The following C11orf16 variants were observed in gnomAD, a reference collection of about 807,000 sequenced individuals.
The protein encoded by C11orf16 is chromosome 11 open reading frame 16, also known as uncharacterized protein C11orf16.
Under a neutral mutation model 45.1 loss-of-function variants are expected in C11orf16, and 38 were observed. The ratio of observed to expected loss-of-function variants is 0.84; its 90% CI spans 0.65 to 1.10. C11orf16 has a LOEUF of 1.10. Among genes scored for constraint, C11orf16 ranks in the 50% least tolerant of loss-of-function variants. The pLI is 0.00. For synonymous variants in C11orf16, 221 were observed against 222.0 expected, an observed-to-expected ratio of 1.00 and a Z score of 0.04; for missense variants, 583 against 569.5, an observed-to-expected ratio of 1.02 and a Z score of -0.24.
chr11:8,920,640 G>A (rs986769213), intron 6 of C11orf16, among the ~76,000 whole-genome samples, 190 bp from the exon 7 acceptor site: 6 of 152,176 alleles, frequency 3.9e-5, no homozygotes, highest in African/African-American at 9.7e-5. Context: ...GGTCAACACA[G>A]TGAGACCCTA....
intron 4 of C11orf16, 112 bp downstream of exon 4, chr11:8,926,828 T>A: frequency 1.3e-6 from 1 of 781,298 alleles, no homozygotes; most frequent in Non-Finnish European, 2.0e-6. Context: ...AAAATTCTCT[T>A]CTTAATGCCT....
chr11:8,926,402 C>T (rs1161608076), intron 4 of C11orf16, among the ~76,000 whole-genome samples: 1 of 151,910 alleles, frequency 6.6e-6, no homozygotes, highest in Non-Finnish European at 1.5e-5. Context: ...CTGCGTGGCT[C>T]CTCACATGCA....
rs201619527 is a variant in C11orf16 at position 8,921,362 on chromosome 11, C to T, written c.1358G>A (p.Arg453Gln). 9.3e-6 allele frequency: 15 copies of T among 1,614,078 alleles called. No homozygotes were observed. The African/African-American group carries it at 9.3e-5, about 10-fold the overall frequency. The stretch of plus-strand genomic sequence containing the variant: ...CTGACATATTGCAAGGCTCTGACTC[C>T]GCTTTCTGTGTTCAGCTTCCCCTGG... ...TPPGEAEHRK[R>Q]SQSLAICQWN... The change falls in exon 6 of 7, where the codon CGG becomes CAG. Residue 453 changes from arginine (R) to glutamine (Q), a missense_variant. By Grantham distance (43) the Arg-to-Gln change is conservative (BLOSUM62 1). Coordinates refer to ENST00000326053, the MANE Select transcript of C11orf16 (RefSeq NM_020643.3).
At chr11:8,925,415 G>A (rs184170247) in intron 5 of C11orf16, 48 bp downstream of exon 5, 34 of 1,554,896 alleles carry the variant, frequency 2.2e-5, no homozygotes, top group South Asian at 1.3e-4. Context: ...GAAGGGAGGC[G>A]GGGCCCCAGC....
chr11:8,920,270 T>C lies in C11orf16; in HGVS notation c.*203A>G. ...GCCCCAGGGCAGGATCCCACATTCC[T>C]ATAGCCCTCACAACAGGTGCCTTCC... On this transcript the variant is annotated 3_prime_UTR_variant, in exon 7 of 7. Coordinates refer to ENST00000326053, the MANE Select transcript of C11orf16 (RefSeq NM_020643.3). 1 of 463,712 alleles carries C rather than the reference T, an allele frequency of 2.2e-6. No individual in the cohort carries two copies. Among genetic ancestry groups the C allele is most frequent in the Admixed American group, 4.2e-5 (1 of 23,706 alleles). 28.7% of individuals were successfully genotyped at this position (463,712 alleles called of 1,614,324 possible).
At position 8,927,157 on chromosome 11, in the gene C11orf16, G is replaced by A; in HGVS notation, c.342C>T (p.Val114=). The A allele has an allele frequency of 6.2e-7, 1 of 1,613,858 alleles. No homozygotes were observed. Among genetic ancestry groups the A allele is most frequent in the Non-Finnish European group, 8.5e-7 (1 of 1,179,888 alleles). Residue 114 remains valine, a synonymous_variant, in exon 4 of 7, where the codon GTC becomes GTT. Transcript: ENST00000326053. ...GAGGAGCCTCGAATTCCACAAGCAG[G>A]ACCCCCTGTCTCTCCAGCTGTGGGA... ...KATPELERQG[V]LLVEFEAPLV...
At chr11:8,927,636 T>A (rs1158611286) in intron 3 of C11orf16, 1 of 456,724 alleles carries the variant, frequency 2.2e-6, no homozygotes, top group South Asian at 1.5e-5. Flanking sequence ...ATGAGGCTCA[T>A]GTAGGCAAGG....
chr11:8,926,208 A>G, intron 4 of C11orf16, 101 bp from the exon 5 acceptor site: 1 of 855,458 alleles, frequency 1.2e-6, no homozygotes, highest in Non-Finnish European at 1.6e-6. Flanking sequence ...TTTTTTTGAG[A>G]CAGGGTCTGG....
Position 8,925,684 on chromosome 11 carries a change from A to G in C11orf16, c.983T>C (p.Met328Thr), listed in dbSNP as rs760367890. Residue 328 changes from methionine to threonine, a missense_variant, in exon 5 of 7, where the codon ATG (methionine) becomes ACG (threonine). By Grantham distance (81) the Met-to-Thr change is moderately conservative (BLOSUM62 -1). Transcript: ENST00000326053. ...GGAAGAAACAGCCAGGGGAGCGTGC[A>G]TTGCTACTTTCTCCTCTTTAGGACC... ...LEGPKEEKVA[M>T]HAPLAVSSSS... is the part of the protein sequence containing the mutation. The G allele has an allele frequency of 1.2e-6, 2 of 1,614,232 alleles. No individual in the cohort carries two copies. Among genetic ancestry groups the G allele is most frequent in the East Asian group, 2.2e-5 (1 of 44,880 alleles).
At chr11:8,928,469 A>G (rs2064629832) in intron 3 of C11orf16, among the ~76,000 whole-genome samples, 1 of 152,136 alleles carries the variant, frequency 6.6e-6, no homozygotes, top group Admixed American at 6.5e-5. Flanking sequence ...CATTCAACAC[A>G]CTGAATTTTC....
intron 2 of C11orf16, among the ~76,000 whole-genome samples, chr11:8,931,371 G>A (rs2064648885): frequency 6.6e-6 from 1 of 151,844 alleles, no homozygotes; most frequent in Non-Finnish European, 1.5e-5. Context: ...ATACAGGCAT[G>A]TGCCACCACG....
Position 8,921,505 on chromosome 11 carries a change from A to G in C11orf16, c.1215T>C (p.Tyr405=), listed in dbSNP as rs758027655. Residue 405 remains tyrosine, a synonymous_variant, in exon 6 of 7, where the codon TAT becomes TAC. Coordinates refer to ENST00000326053, the MANE Select transcript of C11orf16 (RefSeq NM_020643.3). ...CCTTTTCTTCTTTGCAGATGTTGGA[A>G]TATCTTGTTCCTAAACCCAAAAGTC... is the stretch of plus-strand genomic sequence containing the variant. ...EPCLGKPGTR[Y]SNICKEEKDH... 1.3e-5 allele frequency: 21 copies of G among 1,614,096 alleles called. No homozygotes were observed. Among genetic ancestry groups the G allele is most frequent in the Non-Finnish European group, 4.2e-6 (5 of 1,180,046 alleles).
At chr11:8,929,648 A>T (rs1268339060) in intron 2 of C11orf16, 115 bp from the exon 3 acceptor site, 4 of 1,009,330 alleles carry the variant, frequency 4.0e-6, no homozygotes, top group Non-Finnish European at 5.6e-6. Context: ...CATGCGGAAC[A>T]GAAATCCATA....
chr11:8,930,443 A>G (rs2064642820), intron 2 of C11orf16, among the ~76,000 whole-genome samples: 1 of 151,448 alleles, frequency 6.6e-6, no homozygotes, highest in African/African-American at 2.4e-5. Flanking sequence ...AAAAAAAAAA[A>G]AAAAAAAGTG....
At chr11:8,930,382 C>T (rs76233996) in intron 2 of C11orf16, among the ~76,000 whole-genome samples, 24 of 131,296 alleles carry the variant, frequency 1.8e-4, no homozygotes, top group Non-Finnish European at 3.2e-4. Context: ...GCCAAGATTG[C>T]GCCACTGTAC....
rs2134827649 is a variant in C11orf16, at chr11:8,920,373, T to C, written c.*100A>G. On this transcript the variant is annotated 3_prime_UTR_variant, in exon 7 of 7. Transcript: ENST00000326053. The stretch of plus-strand genomic sequence containing the variant: ...TGACTGTTACCTGTGGCCTGTCCTC[T>C]GCCTCCTTCCGTTGAAGAAGGCCTT... 4.7e-6 allele frequency: 3 copies of C among 642,876 alleles called. No homozygotes were observed. Among genetic ancestry groups the C allele is most frequent in the East Asian group, 5.9e-5 (2 of 33,736 alleles). 39.8% of individuals were successfully genotyped at this position (642,876 alleles called of 1,614,324 possible). A position where few individuals can be genotyped will look rare whatever the true frequency, so the allele number is the denominator to read the frequency against.
rs750993856 is a variant in C11orf16 at position 8,927,138 on chromosome 11, C to A, written c.361G>T (p.Ala121Ser). 14 of 1,614,030 alleles carry A rather than the reference C, an allele frequency of 8.7e-6. No individual in the cohort carries two copies. The highest frequency in any genetic ancestry group is 3.4e-6 in the Non-Finnish European group (4 of 1,179,998). ...RQGVLLVEFE[A>S]PLVAGPKLPA... ...AGCTTTGGGCCTGCGACAAGAGGAGCCTCGAATTCCACAAGCAGGACCCCC... is the reference window on the plus strand; with the variant it reads ...AGCTTTGGGCCTGCGACAAGAGGAGACTCGAATTCCACAAGCAGGACCCCC... Residue 121 changes from alanine (A) to serine (S), a missense_variant, in exon 4 of 7, where the codon GCT becomes TCT. Physicochemically the swap from Ala to Ser is moderately conservative, Grantham distance 99 (BLOSUM62 1). Coordinates refer to ENST00000326053, the MANE Select transcript of C11orf16 (RefSeq NM_020643.3).
At chr11:8,929,628 G>T in intron 2 of C11orf16, 95 bp from the exon 3 acceptor site, 1 of 1,141,372 alleles carries the variant, frequency 8.8e-7, no homozygotes, top group Non-Finnish European at 1.2e-6. Flanking sequence ...GTACACCACA[G>T]CACATGAGGC....
At chr11:8,928,441 T>G (rs2064629668) in intron 3 of C11orf16, among the ~76,000 whole-genome samples, 3 of 152,168 alleles carry the variant, frequency 2.0e-5, no homozygotes, top group South Asian at 4.1e-4. Flanking sequence ...CGTTCCACCT[T>G]TCCCTTAGGC....
Sources: gnomAD v4.1 joint callset for allele counts (sites outside exome capture counted in the v4.1 genomes callset) on GRCh38, gnomAD v4.1.1 for gene constraint, MANE v1.5 for transcripts, NCBI Gene and HGNC (gene_info 2026-07-23, HGNC 2026-07-21) for gene names.